SNED1: variants seen among roughly 807,000 people sequenced by gnomAD.
SNED1 encodes the protein sushi, nidogen and EGF like domains 1.
A neutral mutation model predicts 166.7 loss-of-function variants in SNED1; 81 were observed. That is an observed-to-expected ratio of 0.49 (90% CI 0.41 to 0.58). The LOEUF is 0.58. Among genes scored for constraint, SNED1 ranks in the 20% least tolerant of loss-of-function variants. The pLI is 0.00. For synonymous variants in SNED1, 762 were observed against 822.0 expected (o/e 0.93, Z 1.25); for missense variants, 1,604 against 2,000.2 (o/e 0.80, Z 3.78).
intron 20 of SNED1, 150 bp downstream of exon 20, chr2:241,065,107 G>C: frequency 7.4e-6 from 6 of 814,164 alleles, no homozygotes; most frequent in Non-Finnish European, 9.5e-6. Flanking sequence ...CCCCCGGTGG[G>C]CTTGAAACAC....
chr2:241,001,733 C>T (rs1675519094), intron 1 of SNED1, among the ~76,000 whole-genome samples: 1 of 152,182 alleles, frequency 6.6e-6, no homozygotes, highest in South Asian at 2.1e-4. Flanking sequence ...GTGCCCCCTA[C>T]ACTGAAGCTC....
At chr2:241,074,632 C>T (rs376119246) in intron 27 of SNED1, 3 of 152,088 alleles carry the variant, frequency 2.0e-5, no homozygotes, top group East Asian at 3.9e-4. Flanking sequence ...TTTGCCAGCA[C>T]GAGATGCTCA....
chr2:241,013,155 G>A lies in SNED1; in HGVS notation c.213+14105G>A, dbSNP rs1352676210. Among the ~76,000 whole-genome samples the A allele has an allele frequency of 4.6e-5, 7 of 152,022 alleles. No homozygotes were observed. In the East Asian group the frequency reaches 1.2e-3, roughly 25 times the overall value. ...GGCCACGAGCAGTACTGTTAACTAC[G>A]GTTGCCATGCATTACATGGAGACCC... On this transcript the variant is annotated intron_variant, in intron 1 of 31. Coordinates refer to ENST00000310397, the MANE Select transcript of SNED1 (RefSeq NM_001080437.3). The surrounding 1 kb of genome is among the most constrained non-coding windows in gnomAD (Gnocchi z 4.6).
chr2:240,998,608 G>A (rs1202246816), upstream of SNED1, among the ~76,000 whole-genome samples: 1 of 151,884 alleles, frequency 6.6e-6, no homozygotes, highest in African/African-American at 2.4e-5. Context: ...GTGGCCCCAG[G>A]GGCGGGGCTG....
At position 241,018,969 on chromosome 2, in the gene SNED1, G is replaced by A. The variant is rs781725812; in HGVS notation, c.214-11315G>A. ...CTTCCAGGTAGGTCTGTGTCACCCC[G>A]CAGAGGCCCCACATTTTGTCCTGTC... On this transcript the variant is annotated intron_variant, in intron 1 of 31. Coordinates refer to ENST00000310397, the MANE Select transcript of SNED1 (RefSeq NM_001080437.3). The surrounding 1 kb of genome is among the most constrained non-coding windows in gnomAD (Gnocchi z 5.4). Among the ~76,000 whole-genome samples the A allele has an allele frequency of 3.9e-5, 6 of 152,168 alleles. No homozygotes were observed. Among genetic ancestry groups the A allele is most frequent in the Non-Finnish European group, 8.8e-5 (6 of 68,030 alleles).
chr2:241,066,257 C>T (rs973308416), intron 21 of SNED1, among the ~76,000 whole-genome samples: 9 of 152,010 alleles, frequency 5.9e-5, no homozygotes, highest in African/African-American at 1.9e-4. Context: ...GGGTTGTTGC[C>T]GTGTCGGGGA....
chr2:241,094,627 A>G lies in SNED1; in HGVS notation c.*2991A>G, dbSNP rs530836861. ...GAAGTTGTCACGAGTGAACAGTCAC[A>G]TTACTGTTGTGGACCAGGCCTTAGA... is the stretch of plus-strand genomic sequence containing the variant. On this transcript the variant is annotated 3_prime_UTR_variant, in exon 32 of 32. Transcript: ENST00000310397. This position sits in a 1 kb window ranked among gnomAD's most constrained non-coding sequence, Gnocchi z 4.3. 8 of 349,210 alleles carry G rather than the reference A, an allele frequency of 2.3e-5. No individual in the cohort carries two copies. Among genetic ancestry groups the G allele is most frequent in the African/African-American group, 1.3e-4 (6 of 46,504 alleles). 21.6% of individuals were successfully genotyped at this position (349,210 alleles called of 1,614,324 possible). A position where few individuals can be genotyped will look rare whatever the true frequency, so the allele number is the denominator to read the frequency against.
At chr2:241,022,217 G>A (rs1233947755) in intron 1 of SNED1, among the ~76,000 whole-genome samples, 1 of 152,138 alleles carries the variant, frequency 6.6e-6, no homozygotes, top group Non-Finnish European at 1.5e-5. Context: ...AAGCACAAAT[G>A]TTTTGAATTC....
chr2:241,020,756 G>A (rs140138416), intron 1 of SNED1, among the ~76,000 whole-genome samples: 184 of 152,326 alleles, frequency 1.2e-3, no homozygotes, highest in African/African-American at 4.3e-3. Flanking sequence ...GCCCTGGGTA[G>A]GGGCTGCTGC....
intron 1 of SNED1, among the ~76,000 whole-genome samples, chr2:241,007,328 A>T (rs1000654159): frequency 2.6e-5 from 4 of 152,254 alleles, no homozygotes; most frequent in Non-Finnish European, 5.9e-5. Context: ...GCAGCTCCCC[A>T]CAGAAACTTG....
At chr2:241,036,741 C>G in intron 4 of SNED1, 49 bp from the exon 5 acceptor site, 6 of 1,598,476 alleles carry the variant, frequency 3.8e-6, no homozygotes, top group South Asian at 1.1e-5. Flanking sequence ...GCTCTCCTGC[C>G]GAGTCCGGAG....
rs368687027 is a variant in SNED1, at chr2:241,053,154, G to A, written c.2085G>A (p.Glu695=). 1,667 of 1,609,298 alleles carry A rather than the reference G, an allele frequency of 1.0e-3. 21 individuals carry two copies. In the South Asian group the frequency reaches 0.017, roughly 17 times the overall value. Residue 695 remains glutamate, a splice_region_variant and synonymous_variant, in exon 16 of 32, where the codon GAG becomes GAA. Coordinates refer to ENST00000310397, the MANE Select transcript of SNED1 (RefSeq NM_001080437.3). ...AGYMGRRCQA[E]VDCGPPEEVK... is the part of the protein sequence containing the mutation. The stretch of plus-strand genomic sequence containing the variant: ...GAGACAGGCTGCCGTGCCTTGCAGA[G>A]GTGGACTGCGGCCCCCCGGAGGAGG...
At position 241,048,349 on chromosome 2, in the gene SNED1, C is replaced by T; in HGVS notation, c.1308C>T (p.Ala436=). 6.2e-7 allele frequency: 1 copy of T among 1,611,016 alleles called. No individual in the cohort carries two copies. The highest frequency in any genetic ancestry group is 8.5e-7 in the Non-Finnish European group (1 of 1,178,810). The part of the protein sequence containing the change: ...DHPVPDACLS[A]PCHNGGTCVD... ...CAGTGCCAGACGCCTGCCTCTCGGC[C>T]CCTTGCCACAATGGGGGCACCTGTG... The change falls in exon 9 of 32, where the codon GCC becomes GCT. Residue 436 remains alanine, a synonymous_variant. Coordinates refer to ENST00000310397, the MANE Select transcript of SNED1 (RefSeq NM_001080437.3).
intron 1 of SNED1, among the ~76,000 whole-genome samples, chr2:241,007,143 G>A (rs2060242899): frequency 6.6e-6 from 1 of 152,216 alleles, no homozygotes; most frequent in Non-Finnish European, 1.5e-5. Flanking sequence ...GTGGGTGACT[G>A]TATATGCTTA....
At position 241,065,283 on chromosome 2, in the gene SNED1, G is replaced by T. The variant is rs774730895; in HGVS notation, c.2714-16G>T. The T allele has an allele frequency of 1.9e-6, 3 of 1,611,810 alleles. No homozygotes were observed. The African/African-American group carries it at 4.0e-5, about 22-fold the overall frequency. ...CTGACCAGTCCCCTCCCCTTGTTTT[G>T]ACCCAAACCCTGAAGAGCTCTTCCC... On this transcript the variant is annotated splice_polypyrimidine_tract_variant and intron_variant, in intron 20 of 31. Transcript: ENST00000310397.
intron 16 of SNED1, among the ~76,000 whole-genome samples, chr2:241,057,897 G>A (rs1170914182): frequency 6.6e-6 from 1 of 152,168 alleles, no homozygotes. Flanking sequence ...AGATTTCATG[G>A]TAAGACTTGT....
At chr2:240,998,483 A>G (rs2059977263), upstream of SNED1, among the ~76,000 whole-genome samples, 1 of 152,106 alleles carries the variant, frequency 6.6e-6, no homozygotes, top group Non-Finnish European at 1.5e-5. Flanking sequence ...TGCCCACGCC[A>G]GGGGACTGAG....
At chr2:241,028,109 A>G (rs972808024) in intron 1 of SNED1, among the ~76,000 whole-genome samples, 1 of 152,134 alleles carries the variant, frequency 6.6e-6, no homozygotes, top group Admixed American at 6.5e-5. Flanking sequence ...ATGTCTGTTC[A>G]AGTCCTTTCT....
intron 24 of SNED1, among the ~76,000 whole-genome samples, chr2:241,070,880 C>T (rs10175334): frequency 0.23 from 35,642 of 152,134 alleles, 4,300 homozygotes; most frequent in Middle Eastern, 0.31. Flanking sequence ...CAGAGCAGTG[C>T]GCGGCTCCCC....
Sources: allele counts gnomAD v4.1 joint callset (sites outside exome capture counted in the v4.1 genomes callset), GRCh38; gene constraint gnomAD v4.1.1; non-coding constraint Gnocchi (gnomAD v3.1); transcripts MANE v1.5; gene names NCBI Gene and HGNC (gene_info 2026-07-23, HGNC 2026-07-21).